The following FAM83E variants were observed in gnomAD, a reference collection of about 807,000 sequenced individuals.
FAM83E encodes the protein scaffolding CK1 anchoring protein E, also known as protein FAM83E.
FAM83E carries 29 observed loss-of-function variants against 34.3 expected under a neutral mutation model. The observed-to-expected ratio is 0.85, with a 90% CI of 0.63 to 1.15. The LOEUF is 1.15. Among genes scored for constraint, FAM83E ranks in the 50% most tolerant of loss-of-function variants. The pLI, the probability that FAM83E is intolerant of heterozygous loss-of-function variation, is 0.00. For synonymous variants in FAM83E, 312 were observed against 311.6 expected (o/e 1.00, Z -0.01); for missense variants, 697 against 685.0 (o/e 1.02, Z -0.20).
At position 48,613,822 on chromosome 19, in the gene FAM83E, G is replaced by A. The variant is rs1427062203; in HGVS notation, c.-450C>T. 7 of 985,310 alleles carry A rather than the reference G, an allele frequency of 7.1e-6. No homozygotes were observed. Among genetic ancestry groups the A allele is most frequent in the Non-Finnish European group, 7.2e-6 (6 of 829,946 alleles). The allele number at this position is 985,310 out of a possible 1,614,324, so 61.0% of individuals were successfully genotyped here. ...CCTTCAGCTGTCCTGAATTTGGTCA[G>A]GCTGACCACTTGATCATTTCCAGGC... On this transcript the variant is annotated 5_prime_UTR_variant, in exon 3 of 7. Transcript: ENST00000263266.
At position 48,614,327 on chromosome 19, in the gene FAM83E, T is replaced by C. The variant is rs1422132779; in HGVS notation, c.-955A>G. 1.0e-6 allele frequency: 1 copy of C among 985,540 alleles called. No individual in the cohort carries two copies. The highest frequency in any genetic ancestry group is 1.7e-5 in the African/African-American group (1 of 57,302). 61.0% of individuals were successfully genotyped at this position (985,540 alleles called of 1,614,324 possible). A position where few individuals can be genotyped will look rare whatever the true frequency, so the allele number is the denominator to read the frequency against. Reference sequence around the variant, plus strand: ...CCACCCTCCTCAGGCTGGCTGCCCCTGCCTGGGGCCTGGCCCTGGGACCTG... The same window carrying C: ...CCACCCTCCTCAGGCTGGCTGCCCCCGCCTGGGGCCTGGCCCTGGGACCTG... On this transcript the variant is annotated 5_prime_UTR_variant, in exon 3 of 7. Coordinates refer to ENST00000263266, the MANE Select transcript of FAM83E (RefSeq NM_017708.4).
intron 6 of FAM83E, among the ~76,000 whole-genome samples, chr19:48,602,823 TG>T (rs1394055750): frequency 3.2e-5 from 2 of 63,482 alleles, no homozygotes; most frequent in African/African-American, 5.0e-5. Flanking sequence ...ATTTATTTAT[TG>T]TTTATTATTA....
intron 5 of FAM83E, among the ~76,000 whole-genome samples, chr19:48,607,866 T>A (rs1973964636): frequency 6.6e-6 from 1 of 151,498 alleles, no homozygotes; most frequent in South Asian, 2.1e-4. Flanking sequence ...ATTACAGGTA[T>A]GAGCCACGGC....
intron 4 of FAM83E, 107 bp downstream of exon 4, chr19:48,610,573 C>T: frequency 7.6e-7 from 1 of 1,319,440 alleles, no homozygotes; most frequent in South Asian, 1.5e-5. Flanking sequence ...GGGACCATCC[C>T]TGCTAGCATC....
intron 3 of FAM83E, among the ~76,000 whole-genome samples, chr19:48,611,077 C>G (rs2082043258): frequency 6.6e-6 from 1 of 152,144 alleles, no homozygotes; most frequent in African/African-American, 2.4e-5. Flanking sequence ...CCCAGCCCCT[C>G]CTCGAGATTC....
chr19:48,601,335 G>A lies in FAM83E; in HGVS notation c.1211C>T (p.Ala404Val). 6.4e-7 allele frequency: 1 copy of A among 1,565,662 alleles called. No homozygotes were observed. Residue 404 changes from alanine to valine, a missense_variant, in exon 7 of 7, where the codon GCC (alanine) becomes GTC (valine). Ala to Val is a moderately conservative substitution (Grantham distance 64). Transcript: ENST00000263266. ...KKSWGSKDTP[A>V]KALMRQRGTG... ...GCCCCGCTGCCTCATCAGAGCCTTG[G>A]CTGGAGTGTCCTTGGAGCCCCAGGA...
rs928838850 is a variant in FAM83E at position 48,601,134 on chromosome 19, C to G, written c.1412G>C (p.Arg471Pro). 2.5e-6 allele frequency: 4 copies of G among 1,612,390 alleles called. No homozygotes were observed. In the African/African-American group the frequency reaches 4.0e-5, roughly 16 times the overall value. The change falls in exon 7 of 7, where the codon CGG (arginine) becomes CCG (proline). Residue 471 changes from arginine to proline, a missense_variant. Arg to Pro is a moderately radical substitution (Grantham distance 103). Coordinates refer to ENST00000263266, the MANE Select transcript of FAM83E (RefSeq NM_017708.4). The part of the protein sequence containing the change: ...RGVRPSDWAP[R>P]AGLGGQP ...TCAGGGTTGCCCCCCAAGTCCTGCC[C>G]GGGGGGCCCAGTCTGACGGCCTGAC...
intron 6 of FAM83E, among the ~76,000 whole-genome samples, chr19:48,602,865 TTA>T (rs1491541000): frequency 1.4e-5 from 2 of 141,626 alleles, no homozygotes; most frequent in African/African-American, 5.3e-5. Flanking sequence ...ATTATTATTA[TTA>T]TTTTGAGACA....
Position 48,600,324 on chromosome 19 carries a change from A to G in FAM83E, c.*785T>C, listed in dbSNP as rs1033168540. 1.3e-5 allele frequency among the ~76,000 whole-genome samples: 2 copies of G among 152,212 alleles called. No homozygotes were observed. Among genetic ancestry groups the G allele is most frequent in the African/African-American group, 4.8e-5 (2 of 41,444 alleles). On this transcript the variant is annotated 3_prime_UTR_variant, in exon 7 of 7. Coordinates refer to ENST00000263266, the MANE Select transcript of FAM83E (RefSeq NM_017708.4). ...GTGACACTGAGGTCTGGTGCAGGCA[A>G]TGGGCTTGCCCAAGTCCTTTTTTTT...
chr19:48,614,528 A>C lies in FAM83E; in HGVS notation c.-1156T>G. On this transcript the variant is annotated 5_prime_UTR_variant, in exon 3 of 7. Transcript: ENST00000263266. ...GTTATCCCCTTGAGGCTCCTGACCCAACCTCGGGGACCCTGGACCCTTGAT... is the reference window on the plus strand; with the variant it reads ...GTTATCCCCTTGAGGCTCCTGACCCCACCTCGGGGACCCTGGACCCTTGAT... The C allele has an allele frequency of 1.0e-6, 1 of 985,198 alleles. No individual in the cohort carries two copies. Among genetic ancestry groups the C allele is most frequent in the Non-Finnish European group, 1.2e-6 (1 of 830,070 alleles). The allele number at this position is 985,198 out of a possible 1,614,324, so 61.0% of individuals were successfully genotyped here. A position where few individuals can be genotyped will look rare whatever the true frequency, so the allele number is the denominator to read the frequency against.
chr19:48,610,728 G>C lies in FAM83E; in HGVS notation c.585C>G (p.Ala195=). 6.3e-7 allele frequency: 1 copy of C among 1,586,762 alleles called. No homozygotes were observed. Residue 195 remains alanine, a synonymous_variant, in exon 4 of 7, where the codon GCC becomes GCG. Coordinates refer to ENST00000263266, the MANE Select transcript of FAM83E (RefSeq NM_017708.4). Reference sequence around the variant, plus strand: ...CCAGCTGCTGGGCCAGTTCCAGGAAGGCAGGCAGCTGCTGGCGGTCCAGGA... The same window carrying C: ...CCAGCTGCTGGGCCAGTTCCAGGAACGCAGGCAGCTGCTGGCGGTCCAGGA... ...YLLLDRQQLP[A]FLELAQQLGV...
Position 48,614,619 on chromosome 19 carries a change from A to G in FAM83E, c.-1247T>C, listed in dbSNP as rs898419696. ...CAGGCCGCTGCTTCCTCCAGACCAC[A>G]GCAGGGAGCTGCAAAGAGAAGAAAG... On this transcript the variant is annotated 5_prime_UTR_variant, in exon 3 of 7. Transcript: ENST00000263266. The G allele has an allele frequency of 2.4e-5, 24 of 985,968 alleles. No individual in the cohort carries two copies. The highest frequency in any genetic ancestry group is 2.9e-5 in the Non-Finnish European group (24 of 830,512). 61.1% of individuals were successfully genotyped at this position (985,968 alleles called of 1,614,324 possible). A position where few individuals can be genotyped will look rare whatever the true frequency, so the allele number is the denominator to read the frequency against.
At position 48,600,367 on chromosome 19, in the gene FAM83E, G is replaced by A. The variant is rs956986266; in HGVS notation, c.*742C>T. On this transcript the variant is annotated 3_prime_UTR_variant, in exon 7 of 7. Transcript: ENST00000263266. ...TTTTTTTTGTTTGAGATGAAATCTC[G>A]CTCTGTCACCCAGGCTGGAGTGCAG... is the stretch of plus-strand genomic sequence containing the variant. 2.6e-5 allele frequency among the ~76,000 whole-genome samples: 4 copies of A among 152,184 alleles called. No individual in the cohort carries two copies. The highest frequency in any genetic ancestry group is 9.7e-5 in the African/African-American group (4 of 41,446).
intron 6 of FAM83E, among the ~76,000 whole-genome samples, chr19:48,602,745 A>ATATATATATATATATG: frequency 1.1e-5 from 1 of 88,412 alleles, no homozygotes. Context: ...ATATATATAT[A>ATATATATATATATATG]TATATATAGC....
intron 5 of FAM83E, among the ~76,000 whole-genome samples, chr19:48,604,450 C>T (rs1013261766): frequency 3.3e-5 from 5 of 151,036 alleles, no homozygotes; most frequent in African/African-American, 1.2e-4. Context: ...CCTGCCTCAG[C>T]CTCCTGAGTA....
In FAM83E at chr19:48,601,733, C is replaced by G. The variant is rs1475572496; in HGVS notation, c.1177-364G>C. ...TGAGCTGAGATAGCGCCACCGCACT[C>G]CAGCCTGGGCATCAGAACAAGACTC... On this transcript the variant is annotated intron_variant, in intron 6 of 6. Transcript: ENST00000263266. Among the ~76,000 whole-genome samples, 3 of 151,024 alleles carry G rather than the reference C, an allele frequency of 2.0e-5. No individual in the cohort carries two copies. In the East Asian group the frequency reaches 5.8e-4, roughly 29 times the overall value.
chr19:48,611,103 T>C (rs1264403089), intron 3 of FAM83E, among the ~76,000 whole-genome samples: 3 of 150,310 alleles, frequency 2.0e-5, no homozygotes, highest in African/African-American at 7.3e-5. Context: ...CCCTAAATGC[T>C]GGAAAACTGT....
intron 3 of FAM83E, 151 bp from the exon 4 acceptor site, chr19:48,610,998 CCAGA>C: frequency 1.4e-6 from 1 of 728,828 alleles, no homozygotes; most frequent in Non-Finnish European, 2.2e-6. Context: ...GGGGAGACCC[CCAGA>C]CATACACTGC....
chr19:48,606,837 C>T (rs557927030), intron 5 of FAM83E: 2 of 1,046,788 alleles, frequency 1.9e-6, no homozygotes, highest in East Asian at 2.6e-5. Flanking sequence ...GAGGACACTC[C>T]AGGCGCTGAC....
Sources: allele counts gnomAD v4.1 joint callset (sites outside exome capture counted in the v4.1 genomes callset), GRCh38; gene constraint gnomAD v4.1.1; transcripts MANE v1.5; gene names NCBI Gene and HGNC (gene_info 2026-07-23, HGNC 2026-07-21).